The following TMEM178B variants were observed in gnomAD, a reference collection of about 807,000 sequenced individuals.
TMEM178B encodes the protein transmembrane protein 178B.
Under a neutral mutation model 31.0 loss-of-function variants are expected in TMEM178B, and 5 were observed. The observed-to-expected ratio is 0.16, with a 90% CI of 0.08 to 0.34. The LOEUF is 0.34. TMEM178B is among the 10% of genes least tolerant of loss of function. The probability of loss-of-function intolerance (pLI) is 1.00; values close to 1 mark genes in which losing one functional copy is unlikely to be tolerated. For synonymous variants in TMEM178B, 164 were observed against 164.0 expected, an observed-to-expected ratio of 1.00 and a Z score of 0.00; for missense variants, 275 against 400.3, an observed-to-expected ratio of 0.69 and a Z score of 2.67.
At chr7:141,380,119 C>A (rs1486238820) in intron 2 of TMEM178B, among the ~76,000 whole-genome samples, 1 of 152,162 alleles carries the variant, frequency 6.6e-6, no homozygotes, top group Non-Finnish European at 1.5e-5. Context: ...ATTTCAGCGA[C>A]AAAATGTTGA....
At chr7:141,391,959 T>C (rs1196212241) in intron 2 of TMEM178B, among the ~76,000 whole-genome samples, 5 of 152,230 alleles carry the variant, frequency 3.3e-5, no homozygotes, top group African/African-American at 1.2e-4. Context: ...TTCCACCTTT[T>C]GGTTATTGTG....
At chr7:141,329,376 C>T (rs371805398) in intron 2 of TMEM178B, among the ~76,000 whole-genome samples, 26 of 152,284 alleles carry the variant, frequency 1.7e-4, no homozygotes, top group East Asian at 3.9e-4. Flanking sequence ...CTGGCCATCA[C>T]GGTTGCCATT....
chr7:141,495,205 G>T, the TMEM178B span, among the ~76,000 whole-genome samples: 1 of 152,254 alleles, frequency 6.6e-6, no homozygotes, highest in South Asian at 2.1e-4. Flanking sequence ...TAAATATTCA[G>T]CCACAAATGG....
chr7:141,145,080 A>C (rs1260401731), intron 1 of TMEM178B, among the ~76,000 whole-genome samples: 1 of 152,222 alleles, frequency 6.6e-6, no homozygotes, highest in Non-Finnish European at 1.5e-5. Flanking sequence ...ATACTGAGTC[A>C]GTCGGCAAGA....
chr7:141,227,611 C>A (rs1272877820), intron 2 of TMEM178B, among the ~76,000 whole-genome samples: 1 of 152,198 alleles, frequency 6.6e-6, no homozygotes, highest in Non-Finnish European at 1.5e-5. Flanking sequence ...GGAAATGCAT[C>A]TGTCAGCCAG....
intron 3 of TMEM178B, among the ~76,000 whole-genome samples, chr7:141,440,515 G>GTT (rs796495645): frequency 6.9e-6 from 1 of 143,890 alleles, no homozygotes; most frequent in Non-Finnish European, 1.5e-5. Flanking sequence ...GACCTCTCAT[G>GTT]TTTTTTTTTT....
intron 1 of TMEM178B, among the ~76,000 whole-genome samples, chr7:141,161,132 G>T (rs996983117): frequency 6.6e-6 from 1 of 152,196 alleles, no homozygotes; most frequent in African/African-American, 2.4e-5. Flanking sequence ...TGGGATTACA[G>T]GCACGAACCA....
chr7:141,410,629 C>T (rs1027852910), intron 2 of TMEM178B, among the ~76,000 whole-genome samples: 8 of 151,792 alleles, frequency 5.3e-5, no homozygotes, highest in East Asian at 1.9e-4. Flanking sequence ...ACCTGTCACC[C>T]GAGACCTAGA....
chr7:141,387,873 C>T (rs907514549), intron 2 of TMEM178B, among the ~76,000 whole-genome samples: 15 of 152,162 alleles, frequency 9.9e-5, no homozygotes, highest in East Asian at 3.9e-4. Context: ...GATTCCTCCT[C>T]GCCTTGGTGG....
chr7:141,305,212 A>G lies in TMEM178B; in HGVS notation c.496+92508A>G, dbSNP rs1157353802. ...TTCACTGCCCCAAAAGAGAAGGAGC[A>G]GTAAAAGCCATGATTATAACCCTAG... On this transcript the variant is annotated intron_variant, in intron 2 of 3. Coordinates refer to ENST00000565468, the MANE Select transcript of TMEM178B (RefSeq NM_001195278.2). Among the ~76,000 whole-genome samples, 5 of 152,366 alleles carry G rather than the reference A, an allele frequency of 3.3e-5. No individual in the cohort carries two copies. The East Asian group carries it at 9.6e-4, about 29-fold the overall frequency.
At chr7:141,491,637 T>C in the TMEM178B span, among the ~76,000 whole-genome samples, 1 of 152,322 alleles carries the variant, frequency 6.6e-6, no homozygotes, top group Non-Finnish European at 1.5e-5. Flanking sequence ...ATTGTCTCTC[T>C]CAATCTCTAT....
In TMEM178B at chr7:141,171,648, C is replaced by T. The variant is rs929055844; in HGVS notation, c.383-40943C>T. On this transcript the variant is annotated intron_variant, in intron 1 of 3. Transcript: ENST00000565468. The surrounding 1 kb of genome is among the most constrained non-coding windows in gnomAD (Gnocchi z 4.3). ...TCTTCTGAGTGATGCATGCAAATTC[C>T]AGACAGAGGGGATGGCTGTGGTGTC... 3.9e-5 allele frequency among the ~76,000 whole-genome samples: 6 copies of T among 152,170 alleles called. No individual in the cohort carries two copies. Among genetic ancestry groups the T allele is most frequent in the Non-Finnish European group, 8.8e-5 (6 of 68,034 alleles).
chr7:141,468,868 G>A (rs899636100), intron 3 of TMEM178B, among the ~76,000 whole-genome samples: 1 of 152,174 alleles, frequency 6.6e-6, no homozygotes, highest in Non-Finnish European at 1.5e-5. Flanking sequence ...GCTTGAGGTG[G>A]CGGCGTCTGA....
intron 2 of TMEM178B, among the ~76,000 whole-genome samples, chr7:141,261,212 G>C (rs1798007010): frequency 6.6e-6 from 1 of 152,114 alleles, no homozygotes; most frequent in Admixed American, 6.6e-5. Flanking sequence ...AATTCAATTT[G>C]AATGCCCTGT....
At chr7:141,390,316 T>G (rs893033835) in intron 2 of TMEM178B, among the ~76,000 whole-genome samples, 3 of 152,172 alleles carry the variant, frequency 2.0e-5, no homozygotes, top group African/African-American at 7.2e-5. Context: ...CACTGGGGGC[T>G]CTAAGCCCCA....
chr7:141,185,743 C>T (rs980427271), intron 1 of TMEM178B, among the ~76,000 whole-genome samples: 4 of 152,064 alleles, frequency 2.6e-5, no homozygotes, highest in African/African-American at 9.7e-5. Context: ...ACAAAAATGC[C>T]AGTCCTCACC....
intron 1 of TMEM178B, among the ~76,000 whole-genome samples, chr7:141,076,047 G>A (rs1485272698): frequency 1.3e-5 from 2 of 152,114 alleles, no homozygotes; most frequent in Non-Finnish European, 2.9e-5. Context: ...GAATGACTAG[G>A]GATTTTAGCT....
intron 2 of TMEM178B, among the ~76,000 whole-genome samples, chr7:141,303,788 G>A (rs1445701441): frequency 6.6e-6 from 1 of 152,200 alleles, no homozygotes; most frequent in African/African-American, 2.4e-5. Flanking sequence ...AAGGAGCAAA[G>A]CATATTTATT....
intron 2 of TMEM178B, among the ~76,000 whole-genome samples, chr7:141,256,487 G>A (rs1009247862): frequency 7.2e-5 from 11 of 152,288 alleles, no homozygotes; most frequent in Non-Finnish European, 8.8e-5. Context: ...TGGCTGGAGC[G>A]CAGTGGCTGA....
Sources: allele counts gnomAD v4.1 joint callset (sites outside exome capture counted in the v4.1 genomes callset), GRCh38; gene constraint gnomAD v4.1.1; non-coding constraint Gnocchi (gnomAD v3.1); transcripts MANE v1.5; gene names NCBI Gene and HGNC (gene_info 2026-07-23, HGNC 2026-07-21).